PLEKHA6: variants seen among roughly 807,000 people sequenced by gnomAD.
PLEKHA6 encodes the protein pleckstrin homology domain-containing family A member 6.
PLEKHA6 carries 60 observed loss-of-function variants against 116.7 expected under a neutral mutation model. The ratio of observed to expected loss-of-function variants is 0.51; its 90% CI spans 0.42 to 0.64. The LOEUF is 0.64. PLEKHA6 is among the 30% of genes least tolerant of loss of function. PLEKHA6 has a pLI of 0.00. For synonymous variants in PLEKHA6, 489 were observed against 556.1 expected, an observed-to-expected ratio of 0.88 and a Z score of 1.70; for missense variants, 1,338 against 1,422.7, an observed-to-expected ratio of 0.94 and a Z score of 0.96.
intron 1 of PLEKHA6, among the ~76,000 whole-genome samples, chr1:204,349,291 C>A (rs1673191971): frequency 6.6e-6 from 1 of 152,190 alleles, no homozygotes; most frequent in Non-Finnish European, 1.5e-5. Context: ...ATAATCCCAG[C>A]ACTTTGGGAG....
In PLEKHA6 at chr1:204,257,404, G is replaced by C; in HGVS notation, c.1473C>G (p.Ile491Met). ...FERLPPRSEDIYADPAAYVMR... is the reference protein window; with the variant it reads ...FERLPPRSEDMYADPAAYVMR... ...TCACATAGGCAGCAGGGTCAGCATAGATGTCCTCACTGCGAGGTGGCAGCC... is the reference window on the plus strand; with the variant it reads ...TCACATAGGCAGCAGGGTCAGCATACATGTCCTCACTGCGAGGTGGCAGCC... The change falls in exon 9 of 23, where the codon ATC (isoleucine) becomes ATG (methionine). Residue 491 changes from isoleucine to methionine, a missense_variant. By Grantham distance (10) the Ile-to-Met change is conservative (BLOSUM62 1). Transcript: ENST00000272203. This position sits in a 1 kb window ranked among gnomAD's most constrained non-coding sequence, Gnocchi z 6.5. 1 of 1,564,256 alleles carries C rather than the reference G, an allele frequency of 6.4e-7. No homozygotes were observed. Among genetic ancestry groups the C allele is most frequent in the Middle Eastern group, 1.7e-4 (1 of 5,970 alleles).
At position 204,245,704 on chromosome 1, in the gene PLEKHA6, A is replaced by G; in HGVS notation, c.1943T>C (p.Ile648Thr). 1 of 1,613,132 alleles carries G rather than the reference A, an allele frequency of 6.2e-7. No homozygotes were observed. The highest frequency in any genetic ancestry group is 8.5e-7 in the Non-Finnish European group (1 of 1,179,570). The change falls in exon 14 of 23, where the codon ATC (isoleucine) becomes ACC (threonine). Residue 648 changes from isoleucine (I) to threonine (T), a missense_variant. By Grantham distance (89) the Ile-to-Thr change is moderately conservative (BLOSUM62 -1). Around this residue, in one of 3 missense-constraint regions of PLEKHA6, gnomAD observed 1,136 missense variants for 1,163.6 expected, o/e 0.98. Coordinates refer to ENST00000272203, the MANE Select transcript of PLEKHA6 (RefSeq NM_014935.5). The part of the protein sequence containing the change: ...DTQNEVLNRQ[I>T]QKEIWRIQDV... ...CTGGATCCTCCAGATCTCCTTTTGG[A>G]TTTGCCGGTTCAGCACCTCATTCTG...
intron 1 of PLEKHA6, among the ~76,000 whole-genome samples, chr1:204,286,568 G>A (rs1669199242): frequency 6.6e-6 from 1 of 152,104 alleles, no homozygotes; most frequent in Admixed American, 6.5e-5. Flanking sequence ...TGCAACTTCT[G>A]GCTGGGCCAG....
intron 1 of PLEKHA6, among the ~76,000 whole-genome samples, chr1:204,329,066 G>A (rs1415162252): frequency 6.6e-6 from 1 of 152,188 alleles, no homozygotes. Flanking sequence ...TATTATTATA[G>A]AGTTATTGTT....
intron 17 of PLEKHA6, among the ~76,000 whole-genome samples, chr1:204,236,810 A>G (rs2102505710): frequency 6.6e-6 from 1 of 152,322 alleles, no homozygotes; most frequent in South Asian, 2.1e-4. Flanking sequence ...GCAAAAGACT[A>G]ATTTGAATTA....
At chr1:204,233,211 G>C (rs1427242470) in intron 17 of PLEKHA6, among the ~76,000 whole-genome samples, 2 of 119,590 alleles carry the variant, frequency 1.7e-5, no homozygotes, top group African/African-American at 6.3e-5. Context: ...GTCTAGCTCT[G>C]TTGTCCAGGC....
chr1:204,247,468 G>C lies in PLEKHA6; in HGVS notation c.1825-8C>G. ...GGTGCTGTTTGTCAGGGCCTACGGG[G>C]GAAAGAGGCGTTCACTGAGAAAGCC... On this transcript the variant is annotated splice_region_variant and splice_polypyrimidine_tract_variant and intron_variant, in intron 12 of 22. Coordinates refer to ENST00000272203, the MANE Select transcript of PLEKHA6 (RefSeq NM_014935.5). The C allele has an allele frequency of 6.3e-7, 1 of 1,591,056 alleles. No individual in the cohort carries two copies. The highest frequency in any genetic ancestry group is 8.6e-7 in the Non-Finnish European group (1 of 1,159,702).
chr1:204,281,845 C>T (rs1366171737), intron 1 of PLEKHA6, among the ~76,000 whole-genome samples: 1 of 152,148 alleles, frequency 6.6e-6, no homozygotes, highest in Non-Finnish European at 1.5e-5. Context: ...GTCTAGGAGA[C>T]AAGACTCATG....
chr1:204,296,448 C>T (rs1180191549), intron 1 of PLEKHA6, among the ~76,000 whole-genome samples: 4 of 152,210 alleles, frequency 2.6e-5, no homozygotes, highest in African/African-American at 9.7e-5. Flanking sequence ...TCCTCCAATG[C>T]CCTGCACCAT....
chr1:204,348,704 C>A (rs1022960932), intron 1 of PLEKHA6, among the ~76,000 whole-genome samples: 2 of 139,430 alleles, frequency 1.4e-5, no homozygotes, highest in African/African-American at 2.7e-5. Context: ...ACTCAGCCCC[C>A]AGGTGCCAAA....
At chr1:204,363,819 G>T (rs1386938853), upstream of PLEKHA6, among the ~76,000 whole-genome samples, 2 of 152,080 alleles carry the variant, frequency 1.3e-5, no homozygotes, top group East Asian at 1.9e-4. Context: ...GCCTTGTGGG[G>T]CCATCATGTG....
At chr1:204,230,691 T>A in intron 17 of PLEKHA6, 105 bp from the exon 18 acceptor site, 1 of 963,878 alleles carries the variant, frequency 1.0e-6, no homozygotes, top group Non-Finnish European at 1.5e-6. Flanking sequence ...CTGCCTGTAG[T>A]GGACTGAAGA....
chr1:204,336,580 G>A (rs1672656436), intron 1 of PLEKHA6, among the ~76,000 whole-genome samples: 1 of 152,140 alleles, frequency 6.6e-6, no homozygotes, highest in Admixed American at 6.5e-5. Flanking sequence ...GTGTGTGTGT[G>A]TGTGTGTGCA....
rs775336208 is a variant in PLEKHA6 at position 204,228,114 on chromosome 1, G to A, written c.3000C>T (p.Thr1000=). Reference sequence around the variant, plus strand: ...GCATGCGGCCCCTGCGGGAGGCCTCGGTCGCCAGGGCGCAGGAGATTTCAA... The same window carrying A: ...GCATGCGGCCCCTGCGGGAGGCCTCAGTCGCCAGGGCGCAGGAGATTTCAA... ...KRIEISCALA[T]EASRRGRMLS... The change falls in exon 21 of 23, where the codon ACC becomes ACT. Residue 1000 remains threonine, a synonymous_variant. Transcript: ENST00000272203. The surrounding 1 kb of genome is among the most constrained non-coding windows in gnomAD (Gnocchi z 4.0). The A allele has an allele frequency of 1.4e-5, 22 of 1,612,586 alleles. No individual in the cohort carries two copies. The highest frequency in any genetic ancestry group is 2.2e-5 in the East Asian group (1 of 44,826).
chr1:204,358,608 C>T (rs1673479507), intron 1 of PLEKHA6, among the ~76,000 whole-genome samples: 2 of 152,318 alleles, frequency 1.3e-5, no homozygotes, highest in African/African-American at 4.8e-5. Flanking sequence ...GAGTGCACCA[C>T]TCAAGTGATC....
In PLEKHA6 at chr1:204,259,642, C is replaced by T. The variant is rs1166629656; in HGVS notation, c.623G>A (p.Arg208Gln). Residue 208 changes from arginine (R) to glutamine (Q), a missense_variant, in exon 8 of 23, where the codon CGA becomes CAA. Around this residue, in one of 3 missense-constraint regions of PLEKHA6, gnomAD observed 1,136 missense variants for 1,163.6 expected, o/e 0.98. Coordinates refer to ENST00000272203, the MANE Select transcript of PLEKHA6 (RefSeq NM_014935.5). This position sits in a 1 kb window ranked among gnomAD's most constrained non-coding sequence, Gnocchi z 4.6. Reference sequence around the variant, plus strand: ...ACAGCCTCGGCCATCACCCTCCCCTCGAGTCTTGGCCTCTGGCTCAGGCTT... The same window carrying T: ...ACAGCCTCGGCCATCACCCTCCCCTTGAGTCTTGGCCTCTGGCTCAGGCTT... ...LPKPEPEAKT[R>Q]GEGDGRGCEK... 6 of 1,614,070 alleles carry T rather than the reference C, an allele frequency of 3.7e-6. No homozygotes were observed. The highest frequency in any genetic ancestry group is 2.2e-5 in the East Asian group (1 of 44,894).
intron 1 of PLEKHA6, among the ~76,000 whole-genome samples, chr1:204,341,439 G>A: frequency 6.6e-6 from 1 of 152,186 alleles, no homozygotes; most frequent in East Asian, 1.9e-4. Context: ...TAAAGAACTG[G>A]GAGTCTGGTG....
At chr1:204,370,519 G>A (rs1206833212) in intron 2 of PLEKHA6, among the ~76,000 whole-genome samples, 2 of 152,226 alleles carry the variant, frequency 1.3e-5, no homozygotes, top group African/African-American at 4.8e-5. Flanking sequence ...AAAGTACCTA[G>A]GCCTTGTGAT....
chr1:204,228,828 G>A lies in PLEKHA6; in HGVS notation c.2785C>T (p.Arg929Trp), dbSNP rs148649544. 4.5e-5 allele frequency: 72 copies of A among 1,614,034 alleles called. No individual in the cohort carries two copies. Among genetic ancestry groups the A allele is most frequent in the South Asian group, 7.7e-5 (7 of 91,084 alleles). Residue 929 changes from arginine to tryptophan, a missense_variant, in exon 20 of 23, where the codon CGG (arginine) becomes TGG (tryptophan). By Grantham distance (101) the Arg-to-Trp change is moderately radical (BLOSUM62 -3). Transcript: ENST00000272203. The surrounding 1 kb of genome is among the most constrained non-coding windows in gnomAD (Gnocchi z 4.0). ...STPDKVLIPE[R>W]YIDLEPDTPL... ...GTGTCAGGCTCCAGGTCAATGTACC[G>A]TTCAGGGATGAGGACTTTGTCTGGA...
Sources: gnomAD v4.1 joint callset for allele counts (sites outside exome capture counted in the v4.1 genomes callset) on GRCh38, gnomAD v4.1.1 for gene constraint, gnomAD v4.1.1 regional missense constraint, Gnocchi (gnomAD v3.1) non-coding constraint, MANE v1.5 for transcripts, NCBI Gene and HGNC (gene_info 2026-07-23, HGNC 2026-07-21) for gene names.